Variants in FRMD3 observed in about 807,000 individuals in gnomAD.
FRMD3 encodes the protein FERM domain containing 3.
FRMD3 carries 33 observed loss-of-function variants against 70.2 expected under a neutral mutation model. That is an observed-to-expected ratio of 0.47 (90% CI 0.36 to 0.63). The LOEUF is 0.63. Among genes scored for constraint, FRMD3 ranks in the 20% least tolerant of loss-of-function variants. FRMD3 has a pLI of 0.00. For synonymous variants in FRMD3, 279 were observed against 255.9 expected (o/e 1.09, Z -0.86); for missense variants, 632 against 711.4 (o/e 0.89, Z 1.27).
intron 6 of FRMD3, among the ~76,000 whole-genome samples, chr9:83,324,749 T>A (rs1711514587): frequency 6.6e-6 from 1 of 152,216 alleles, no homozygotes. Context: ...ATCTTTATCT[T>A]CCCTTTTGTG....
At chr9:83,501,792 T>C (rs1437225888) in intron 1 of FRMD3, among the ~76,000 whole-genome samples, 1 of 152,190 alleles carries the variant, frequency 6.6e-6, no homozygotes, top group African/African-American at 2.4e-5. Flanking sequence ...TTCATTTTCA[T>C]CCCTGCAGCC....
At chr9:83,548,580 G>A in the FRMD3 span, among the ~76,000 whole-genome samples, 2 of 152,028 alleles carry the variant, frequency 1.3e-5, no homozygotes, top group Non-Finnish European at 2.9e-5. Flanking sequence ...CAGGAGAGTG[G>A]GTGAGATGAA....
chr9:83,461,003 A>T (rs1018387736), intron 1 of FRMD3, among the ~76,000 whole-genome samples: 2 of 151,942 alleles, frequency 1.3e-5, no homozygotes, highest in African/African-American at 4.8e-5. Flanking sequence ...GGTGAGAGGC[A>T]CTTACCACAC....
chr9:83,264,252 G>GA (rs1833124288), intron 13 of FRMD3, among the ~76,000 whole-genome samples: 2 of 152,130 alleles, frequency 1.3e-5, no homozygotes, highest in Non-Finnish European at 2.9e-5. Context: ...TTGACATTCT[G>GA]AAAAAGGCAA....
chr9:83,365,069 C>T (rs1042181623), intron 3 of FRMD3, among the ~76,000 whole-genome samples: 1 of 152,068 alleles, frequency 6.6e-6, no homozygotes, highest in African/African-American at 2.4e-5. Context: ...AGCTCACAGG[C>T]CTTGGTATAC....
At chr9:83,254,354 A>G (rs867126943) in intron 13 of FRMD3, among the ~76,000 whole-genome samples, 4 of 152,082 alleles carry the variant, frequency 2.6e-5, no homozygotes, top group Middle Eastern at 3.4e-3. Context: ...AAATATTTCA[A>G]ATTTATAATA....
At chr9:83,317,155 T>A (rs936317547) in intron 6 of FRMD3, among the ~76,000 whole-genome samples, 1 of 149,878 alleles carries the variant, frequency 6.7e-6, no homozygotes, top group African/African-American at 2.5e-5. Flanking sequence ...GAAAACAAAC[T>A]TATTGAATTC....
intron 12 of FRMD3, among the ~76,000 whole-genome samples, chr9:83,294,918 G>T (rs949676375): frequency 1.3e-5 from 2 of 152,166 alleles, no homozygotes; most frequent in Non-Finnish European, 2.9e-5. Flanking sequence ...CTTCCACTCT[G>T]CCTTTCCACC....
chr9:83,245,771 T>A lies in FRMD3; in HGVS notation c.*2147A>T, dbSNP rs1349246854. The stretch of plus-strand genomic sequence containing the variant: ...AGAAGGGGACTAATTTTGTGCAGAC[T>A]ACACTAAAGTTGCCTTATGTCAGAA... On this transcript the variant is annotated 3_prime_UTR_variant, in exon 14 of 14. Coordinates refer to ENST00000304195, the MANE Select transcript of FRMD3 (RefSeq NM_174938.6). 7.1e-6 allele frequency: 7 copies of A among 984,572 alleles called. No individual in the cohort carries two copies. Among genetic ancestry groups the A allele is most frequent in the Non-Finnish European group, 7.2e-6 (6 of 829,318 alleles). 61.0% of individuals were successfully genotyped at this position (984,572 alleles called of 1,614,324 possible). A position where few individuals can be genotyped will look rare whatever the true frequency, so the allele number is the denominator to read the frequency against.
intron 1 of FRMD3, among the ~76,000 whole-genome samples, chr9:83,508,373 G>A (rs1209557079): frequency 6.6e-6 from 1 of 152,182 alleles, no homozygotes; most frequent in Non-Finnish European, 1.5e-5. Flanking sequence ...AAAACATCAT[G>A]CTGTACGCAC....
chr9:83,485,340 C>T (rs1828665016), intron 1 of FRMD3, among the ~76,000 whole-genome samples: 1 of 152,192 alleles, frequency 6.6e-6, no homozygotes, highest in East Asian at 1.9e-4. Flanking sequence ...GTAAATAATT[C>T]AGCAAGCACA....
intron 1 of FRMD3, among the ~76,000 whole-genome samples, chr9:83,511,906 T>C (rs1301272450): frequency 6.6e-6 from 1 of 152,194 alleles, no homozygotes; most frequent in Non-Finnish European, 1.5e-5. Flanking sequence ...TGCAGAAACC[T>C]GCTTCTTTTG....
chr9:83,539,068 C>T (rs1245568508), upstream of FRMD3, among the ~76,000 whole-genome samples: 1 of 152,190 alleles, frequency 6.6e-6, no homozygotes, highest in Non-Finnish European at 1.5e-5. Flanking sequence ...CTCCCAACAT[C>T]TTAGTGTGAT....
At position 83,490,763 on chromosome 9, in the gene FRMD3, TTCTCTCTCTCTC is replaced by T. The variant is rs67058664; in HGVS notation, c.147+47310_147+47321del. On this transcript the variant is annotated intron_variant, in intron 1 of 13. Coordinates refer to ENST00000304195, the MANE Select transcript of FRMD3 (RefSeq NM_174938.6). The stretch of plus-strand genomic sequence containing the variant: ...ATAAAAAATCCAGTTTTTTACTCTC[TTCTCTCTCTCTC>T]TCTCTCTCTCTCTCTCTCTCTCTCA... 8.3e-3 allele frequency among the ~76,000 whole-genome samples: 1,067 copies of T among 129,258 alleles called. 14 individuals are homozygous for T. The highest frequency in any genetic ancestry group is 0.028 in the African/African-American group (986 of 35,268). The allele number at this position is 129,258 out of a possible 152,430, so 84.8% of individuals were successfully genotyped here.
intron 1 of FRMD3, among the ~76,000 whole-genome samples, chr9:83,455,469 T>G (rs1464608725): frequency 6.6e-6 from 1 of 152,190 alleles, no homozygotes; most frequent in Non-Finnish European, 1.5e-5. Context: ...TATCAGGGGT[T>G]GCCACTTTTG....
intron 1 of FRMD3, among the ~76,000 whole-genome samples, chr9:83,523,193 TGGAC>T (rs201604200): frequency 0.014 from 1,876 of 130,242 alleles, 17 homozygotes; most frequent in African/African-American, 0.032. Context: ...GATGGATGGA[TGGAC>T]GGACGGACGG....
intron 10 of FRMD3, among the ~76,000 whole-genome samples, chr9:83,303,145 T>C (rs1408121520): frequency 2.0e-5 from 3 of 152,160 alleles, no homozygotes; most frequent in African/African-American, 4.8e-5. Flanking sequence ...CTATTTCCCA[T>C]TGAAGTCATA....
intron 1 of FRMD3, among the ~76,000 whole-genome samples, chr9:83,527,869 C>T (rs1254757488): frequency 6.6e-6 from 1 of 152,190 alleles, no homozygotes; most frequent in Non-Finnish European, 1.5e-5. Flanking sequence ...CTCTCTGCTA[C>T]TTCATGAGAA....
chr9:83,489,574 G>T (rs545037878), intron 1 of FRMD3, among the ~76,000 whole-genome samples: 1 of 152,236 alleles, frequency 6.6e-6, no homozygotes, highest in East Asian at 1.9e-4. Context: ...TCTCACACCA[G>T]TCAGATGGCT....
Sources: allele counts gnomAD v4.1 joint callset (sites outside exome capture counted in the v4.1 genomes callset), GRCh38; gene constraint gnomAD v4.1.1; transcripts MANE v1.5; gene names NCBI Gene and HGNC (gene_info 2026-07-23, HGNC 2026-07-21).